Variants in ITPR2 observed in about 807,000 individuals in gnomAD.
ITPR2 encodes inositol 1,4,5-trisphosphate-gated calcium channel ITPR2.
Under a neutral mutation model 317.1 loss-of-function variants are expected in ITPR2, and 207 were observed. The ratio of observed to expected loss-of-function variants is 0.65; its 90% CI spans 0.58 to 0.73. The LOEUF is 0.73. ITPR2 is among the 30% of genes least tolerant of loss of function. ITPR2 has a pLI of 0.00. For missense variants in ITPR2, 2,613 were observed against 3,284.0 expected, an observed-to-expected ratio of 0.80 and a Z score of 4.99; for synonymous variants, 1,156 against 1,149.1, an observed-to-expected ratio of 1.01 and a Z score of -0.12.
intron 49 of ITPR2, 76 bp downstream of exon 49, chr12:26,427,837 C>T: frequency 1.0e-6 from 1 of 956,744 alleles, no homozygotes; most frequent in Middle Eastern, 3.2e-4. Context: ...GAATTAAAAG[C>T]TTATAGTTAT....
intron 23 of ITPR2, among the ~76,000 whole-genome samples, chr12:26,626,930 T>C (rs1171375270): frequency 6.6e-6 from 1 of 152,168 alleles, no homozygotes; most frequent in Non-Finnish European, 1.5e-5. Context: ...TTTCAGCCTA[T>C]AATGACTTGG....
intron 34 of ITPR2, among the ~76,000 whole-genome samples, chr12:26,568,015 T>TA (rs1445849098): frequency 7.1e-5 from 6 of 84,944 alleles, no homozygotes; most frequent in African/African-American, 2.0e-4. Flanking sequence ...ATTATATATA[T>TA]ATATATATAT....
At chr12:26,395,412 G>A (rs1425366906) in intron 54 of ITPR2, among the ~76,000 whole-genome samples, 1 of 152,160 alleles carries the variant, frequency 6.6e-6, no homozygotes, top group Non-Finnish European at 1.5e-5. Context: ...ACCGAGAAGG[G>A]AAAGCTTAGA....
At chr12:26,784,040 G>T (rs2137188397) in intron 2 of ITPR2, among the ~76,000 whole-genome samples, 1 of 70,936 alleles carries the variant, frequency 1.4e-5, no homozygotes, top group South Asian at 3.3e-4. Context: ...CAGTCAAAAG[G>T]ACTTTAGTGG....
intron 1 of ITPR2, among the ~76,000 whole-genome samples, chr12:26,815,417 A>G (rs1299491721): frequency 6.6e-6 from 1 of 152,242 alleles, no homozygotes; most frequent in Non-Finnish European, 1.5e-5. Flanking sequence ...GTTCCAAAAC[A>G]AACACTTGTT....
intron 1 of ITPR2, among the ~76,000 whole-genome samples, chr12:26,803,325 A>C (rs1950590781): frequency 6.6e-6 from 1 of 152,056 alleles, no homozygotes. Context: ...TTATCTCCTC[A>C]ATACCCAGCA....
chr12:26,448,002 T>TAAA lies in ITPR2; in HGVS notation c.6343-4355_6343-4353dup, dbSNP rs10648745. On this transcript the variant is annotated intron_variant, in intron 45 of 56. Transcript: ENST00000381340. ...TGTACCCTTTTACATGACTTTTTTT[T>TAAA]AAAAAAAAAAAAACCCAGCATCCAA... 3.2e-3 allele frequency among the ~76,000 whole-genome samples: 467 copies of TAAA among 147,610 alleles called. 4 individuals are homozygous for TAAA. Among genetic ancestry groups the TAAA allele is most frequent in the African/African-American group, 0.01 (406 of 39,798 alleles).
At chr12:26,341,508 G>A (rs544723465) in intron 55 of ITPR2, among the ~76,000 whole-genome samples, 2 of 152,294 alleles carry the variant, frequency 1.3e-5, no homozygotes, top group East Asian at 3.9e-4. Flanking sequence ...TTGGCTTTTT[G>A]TTGTTGTTGC....
rs772828891 is a variant in ITPR2, at chr12:26,659,293, G to T, written c.1714-8C>A. 1.2e-6 allele frequency: 2 copies of T among 1,611,886 alleles called. No individual in the cohort carries two copies. Among genetic ancestry groups the T allele is most frequent in the African/African-American group, 2.7e-5 (2 of 74,888 alleles). On this transcript the variant is annotated splice_polypyrimidine_tract_variant and splice_region_variant and intron_variant, in intron 15 of 56. Coordinates refer to ENST00000381340, the MANE Select transcript of ITPR2 (RefSeq NM_002223.4). Reference sequence around the variant, plus strand: ...ATTCTTAGCAATATATTCCTGCAAAGAAGAAAGGCTGTCAGAATGCACTGC... The same window carrying T: ...ATTCTTAGCAATATATTCCTGCAAATAAGAAAGGCTGTCAGAATGCACTGC...
chr12:26,825,416 G>A (rs1950994925), intron 1 of ITPR2, among the ~76,000 whole-genome samples: 1 of 151,928 alleles, frequency 6.6e-6, no homozygotes, highest in Admixed American at 6.6e-5. Flanking sequence ...ATTTATATAT[G>A]AAGACCCTCT....
intron 48 of ITPR2, among the ~76,000 whole-genome samples, chr12:26,430,342 C>A (rs1318853423): frequency 6.6e-6 from 1 of 152,204 alleles, no homozygotes; most frequent in Non-Finnish European, 1.5e-5. Context: ...CGGCTCACTG[C>A]AACCTCTGCC....
intron 55 of ITPR2, among the ~76,000 whole-genome samples, chr12:26,373,160 C>T (rs1939236901): frequency 6.6e-6 from 1 of 152,210 alleles, no homozygotes. Context: ...GTCCCAGTTG[C>T]TTCTGGTTTG....
intron 48 of ITPR2, among the ~76,000 whole-genome samples, chr12:26,431,995 G>C (rs1941222698): frequency 6.6e-6 from 1 of 151,412 alleles, no homozygotes; most frequent in African/African-American, 2.4e-5. Context: ...CCGAGTCAAG[G>C]AACTTCAGGG....
At chr12:26,610,022 A>C (rs1168878772) in intron 26 of ITPR2, among the ~76,000 whole-genome samples, 1 of 152,216 alleles carries the variant, frequency 6.6e-6, no homozygotes, top group Non-Finnish European at 1.5e-5. Flanking sequence ...GCAAAAATAG[A>C]AACTGGAGAC....
At chr12:26,455,504 A>G (rs1221860906) in intron 45 of ITPR2, among the ~76,000 whole-genome samples, 1 of 152,222 alleles carries the variant, frequency 6.6e-6, no homozygotes, top group African/African-American at 2.4e-5. Context: ...GTAGGGATTC[A>G]GATCTGTTGA....
intron 35 of ITPR2, among the ~76,000 whole-genome samples, chr12:26,558,633 G>A (rs780380209): frequency 3.9e-5 from 6 of 152,000 alleles, no homozygotes; most frequent in African/African-American, 7.3e-5. Flanking sequence ...TTCCACCTAC[G>A]TCCTTACTAT....
intron 15 of ITPR2, among the ~76,000 whole-genome samples, chr12:26,661,519 G>A (rs1003111826): frequency 2.6e-5 from 4 of 152,060 alleles, no homozygotes; most frequent in Non-Finnish European, 5.9e-5. Flanking sequence ...CAAAGCACAG[G>A]GCTATAGAAA....
intron 54 of ITPR2, among the ~76,000 whole-genome samples, chr12:26,389,073 A>T (rs1176746020): frequency 6.6e-6 from 1 of 152,024 alleles, no homozygotes; most frequent in Non-Finnish European, 1.5e-5. Flanking sequence ...CTGCTGCTAC[A>T]CTCTGGTCTG....
chr12:26,646,557 G>A (rs1947118512), intron 21 of ITPR2, among the ~76,000 whole-genome samples: 1 of 152,118 alleles, frequency 6.6e-6, no homozygotes, highest in African/African-American at 2.4e-5. Context: ...GGGTACTCCT[G>A]GACATAGATA....
Sources: allele counts gnomAD v4.1 joint callset (sites outside exome capture counted in the v4.1 genomes callset), GRCh38; gene constraint gnomAD v4.1.1; transcripts MANE v1.5; gene names NCBI Gene and HGNC (gene_info 2026-07-23, HGNC 2026-07-21).